GRIK2: variants seen among roughly 807,000 people sequenced by gnomAD.
GRIK2 encodes the protein glutamate receptor ionotropic, kainate 2.
GRIK2 carries 32 observed loss-of-function variants against 100.3 expected under a neutral mutation model. That is an observed-to-expected ratio of 0.32 (90% CI 0.24 to 0.43). The LOEUF (loss-of-function observed/expected upper bound fraction) is 0.43, where lower values mean the gene tolerates loss of function less well. Ranked by LOEUF, GRIK2 falls within the 20% of genes least tolerant of loss-of-function variation. The probability of loss-of-function intolerance (pLI) is 1.00; values close to 1 mark genes in which losing one functional copy is unlikely to be tolerated. For missense variants in GRIK2, 843 were observed against 1,114.9 expected, an observed-to-expected ratio of 0.76 and a Z score of 3.47; for synonymous variants, 417 against 389.4, an observed-to-expected ratio of 1.07 and a Z score of -0.83.
chr6:101,454,642 G>C (rs576915765), intron 2 of GRIK2, among the ~76,000 whole-genome samples: 92 of 152,066 alleles, frequency 6.0e-4, no homozygotes, highest in African/African-American at 2.1e-3. Context: ...CTAAACCTTT[G>C]GTCAGTCCAA....
At chr6:101,480,169 T>C (rs1772454165) in intron 2 of GRIK2, among the ~76,000 whole-genome samples, 1 of 152,200 alleles carries the variant, frequency 6.6e-6, no homozygotes. Context: ...GTTTCTGTTA[T>C]GGATCACTTC....
chr6:102,001,218 C>T (rs1209403911), intron 14 of GRIK2, among the ~76,000 whole-genome samples: 4 of 149,932 alleles, frequency 2.7e-5, no homozygotes, highest in Non-Finnish European at 4.4e-5. Context: ...CTTTAAGTTC[C>T]GGGATACATG....
intron 4 of GRIK2, among the ~76,000 whole-genome samples, chr6:101,634,162 GAA>G (rs1366271034): frequency 6.6e-6 from 1 of 152,086 alleles, no homozygotes; most frequent in Non-Finnish European, 1.5e-5. Flanking sequence ...TAGCCAAGTT[GAA>G]AAGAGATGAC....
At chr6:101,945,148 A>G (rs1415396282) in intron 14 of GRIK2, among the ~76,000 whole-genome samples, 1 of 152,148 alleles carries the variant, frequency 6.6e-6, no homozygotes, top group African/African-American at 2.4e-5. Context: ...CAACTTGGGT[A>G]TATGGAACTA....
chr6:102,006,679 CATACT>C (rs758248771), intron 14 of GRIK2, among the ~76,000 whole-genome samples: 80 of 151,754 alleles, frequency 5.3e-4, no homozygotes, highest in Non-Finnish European at 9.6e-4. Flanking sequence ...AGCATACTGT[CATACT>C]GAGATAATGA....
At chr6:101,797,093 G>C (rs1780354599) in intron 7 of GRIK2, among the ~76,000 whole-genome samples, 1 of 151,874 alleles carries the variant, frequency 6.6e-6, no homozygotes, top group Non-Finnish European at 1.5e-5. Context: ...GTCATGAAAA[G>C]CAATTTTCAT....
rs147187122 is a variant in GRIK2, at chr6:101,953,208, T to C, written c.2085+24576T>C. ...TGAATTGCTTCCACTTTTTGGATAT[T>C]ATAAATAATACTGCTATAAATATTA... On this transcript the variant is annotated intron_variant, in intron 14 of 16. Transcript: ENST00000369134. 1.1e-3 allele frequency among the ~76,000 whole-genome samples: 174 copies of C among 152,316 alleles called. 2 individuals carry two copies. In the East Asian group the frequency reaches 0.026, roughly 23 times the overall value.
At chr6:101,802,461 T>G in intron 9 of GRIK2, 23 bp downstream of exon 9, 1 of 1,022,906 alleles carries the variant, frequency 9.8e-7, no homozygotes, top group South Asian at 1.5e-5. Context: ...GCTTATTTGC[T>G]TTAATTACTA....
intron 7 of GRIK2, among the ~76,000 whole-genome samples, chr6:101,782,559 T>C (rs1779162985): frequency 6.6e-6 from 1 of 152,234 alleles, no homozygotes; most frequent in Non-Finnish European, 1.5e-5. Flanking sequence ...CATGGTCAAA[T>C]GATGTTCTAT....
At chr6:101,756,372 TATCTACATTTATA>T (rs199703989) in intron 7 of GRIK2, among the ~76,000 whole-genome samples, 1 of 152,200 alleles carries the variant, frequency 6.6e-6, no homozygotes, top group Non-Finnish European at 1.5e-5. Context: ...TTAAGTTTCT[TATCTACATTTATA>T]ATCTACATTT....
Position 101,426,116 on chromosome 6 carries a change from G to A in GRIK2, c.115+26724G>A, listed in dbSNP as rs571269960. ...CTAAGCATTCAAATTCCTAATTCCA[G>A]TCTTTATTAATAATCTTCCACTTTG... On this transcript the variant is annotated intron_variant, in intron 2 of 16. Coordinates refer to ENST00000369134, the MANE Select transcript of GRIK2 (RefSeq NM_021956.5). Among the ~76,000 whole-genome samples the A allele has an allele frequency of 9.2e-5, 14 of 152,206 alleles. No homozygotes were observed. The South Asian group carries it at 2.9e-3, about 32-fold the overall frequency.
At chr6:102,068,237 C>A in intron 16 of GRIK2, 110 bp from the exon 17 acceptor site, 1 of 733,518 alleles carries the variant, frequency 1.4e-6, no homozygotes, top group Non-Finnish European at 2.2e-6. Flanking sequence ...AATTTTCAAA[C>A]CTTCAAGGAT....
At chr6:101,511,096 C>A (rs1043335197) in intron 2 of GRIK2, among the ~76,000 whole-genome samples, 23 of 152,254 alleles carry the variant, frequency 1.5e-4, no homozygotes, top group Middle Eastern at 6.8e-3. Flanking sequence ...TGCTCTAGCA[C>A]CAGGTAAATA....
intron 10 of GRIK2, among the ~76,000 whole-genome samples, chr6:101,842,608 CTTT>C (rs528289043): frequency 6.6e-6 from 1 of 151,918 alleles, no homozygotes; most frequent in Non-Finnish European, 1.5e-5. Flanking sequence ...ATTCAAAAAA[CTTT>C]TTTTTATTTT....
chr6:101,399,813 G>A (rs569579371), intron 2 of GRIK2, among the ~76,000 whole-genome samples: 1 of 152,310 alleles, frequency 6.6e-6, no homozygotes, highest in South Asian at 2.1e-4. Flanking sequence ...GTAACTCTTT[G>A]GCGAGTTGCG....
At chr6:101,414,796 C>T (rs1252781652) in intron 2 of GRIK2, among the ~76,000 whole-genome samples, 1 of 152,178 alleles carries the variant, frequency 6.6e-6, no homozygotes, top group East Asian at 1.9e-4. Flanking sequence ...TTGAGTTCCT[C>T]TTATGGAAAA....
At chr6:101,947,870 A>G (rs1279229453) in intron 14 of GRIK2, among the ~76,000 whole-genome samples, 2 of 152,178 alleles carry the variant, frequency 1.3e-5, no homozygotes, top group Non-Finnish European at 2.9e-5. Flanking sequence ...TTTGTCAGAC[A>G]TGCTTAACCC....
At chr6:101,568,264 C>T (rs182197914) in intron 2 of GRIK2, among the ~76,000 whole-genome samples, 10 of 152,082 alleles carry the variant, frequency 6.6e-5, no homozygotes, top group Admixed American at 1.3e-4. Flanking sequence ...CTACATTGAG[C>T]ATAAACAAGG....
chr6:101,790,211 C>G (rs915914759), intron 7 of GRIK2, among the ~76,000 whole-genome samples: 1 of 151,796 alleles, frequency 6.6e-6, no homozygotes, highest in Admixed American at 6.6e-5. Flanking sequence ...CTTCTCCTGC[C>G]TAATTGCCCT....
Sources: gnomAD v4.1 joint callset for allele counts (sites outside exome capture counted in the v4.1 genomes callset) on GRCh38, gnomAD v4.1.1 for gene constraint, MANE v1.5 for transcripts, NCBI Gene and HGNC (gene_info 2026-07-23, HGNC 2026-07-21) for gene names.